Variants in GALNT13 observed in about 807,000 individuals in gnomAD.
GALNT13 encodes polypeptide N-acetylgalactosaminyltransferase 13.
A neutral mutation model predicts 64.2 loss-of-function variants in GALNT13; 28 were observed. That is an observed-to-expected ratio of 0.44 (90% confidence interval 0.32 to 0.60). The LOEUF (loss-of-function observed/expected upper bound fraction) is 0.60, where lower values mean the gene tolerates loss of function less well. Among genes scored for constraint, GALNT13 ranks in the 20% least tolerant of loss-of-function variants. The pLI, the probability that GALNT13 is intolerant of heterozygous loss-of-function variation, is 0.05. For synonymous variants in GALNT13, 214 were observed against 224.6 expected (o/e 0.95, Z 0.42); for missense variants, 577 against 669.8 (o/e 0.86, Z 1.53).
chr2:153,903,040 T>C (rs532285805), intron 2 of GALNT13, among the ~76,000 whole-genome samples: 1 of 152,202 alleles, frequency 6.6e-6, no homozygotes, highest in East Asian at 1.9e-4. Context: ...TTTAGATAGG[T>C]TTTTGGATAG....
intron 4 of GALNT13, among the ~76,000 whole-genome samples, chr2:154,223,426 A>G (rs186415260): frequency 2.2e-5 from 3 of 133,668 alleles, no homozygotes; most frequent in East Asian, 2.2e-4. Flanking sequence ...GAAATTTATT[A>G]TTTATTTTCT....
Position 154,301,594 on chromosome 2 carries a change from A to C in GALNT13, c.1156+5A>C, listed in dbSNP as rs1415078429. On this transcript the variant is annotated splice_donor_5th_base_variant and intron_variant, in intron 9 of 12. Transcript: ENST00000392825. ...TCTTCTACATCATATCCCCAGGTAC[A>C]CAATTCTGACATTTTTCTTTCTCTA... The C allele has an allele frequency of 1.3e-6, 2 of 1,585,660 alleles. No homozygotes were observed. Among genetic ancestry groups the C allele is most frequent in the Non-Finnish European group, 1.7e-6 (2 of 1,157,106 alleles).
At chr2:153,137,770 T>C in the GALNT13 span, among the ~76,000 whole-genome samples, 3 of 152,044 alleles carry the variant, frequency 2.0e-5, no homozygotes, top group African/African-American at 7.2e-5. Context: ...ACTTGTCTTT[T>C]TCTAGGGTAA....
At chr2:154,230,172 A>G (rs1688843316) in intron 4 of GALNT13, among the ~76,000 whole-genome samples, 1 of 152,116 alleles carries the variant, frequency 6.6e-6, no homozygotes, top group African/African-American at 2.4e-5. Flanking sequence ...ATAAGACCAT[A>G]AATGAGAGCA....
chr2:153,739,960 A>C, the GALNT13 span, among the ~76,000 whole-genome samples: 2,295 of 151,876 alleles, frequency 0.015, 68 homozygotes, highest in African/African-American at 0.052. Context: ...TTGTACTTGG[A>C]GTTTTATTTG....
At chr2:153,303,985 G>C in the GALNT13 span, among the ~76,000 whole-genome samples, 1 of 151,822 alleles carries the variant, frequency 6.6e-6, no homozygotes, top group East Asian at 1.9e-4. Flanking sequence ...ATTCTCAGAA[G>C]AACCTGCCAG....
At chr2:153,960,070 C>T (rs1216750505) in intron 3 of GALNT13, among the ~76,000 whole-genome samples, 1 of 152,234 alleles carries the variant, frequency 6.6e-6, no homozygotes, top group Admixed American at 6.5e-5. Context: ...TGATCAGCTC[C>T]ACTGCCTGCC....
chr2:153,534,019 G>A, the GALNT13 span, among the ~76,000 whole-genome samples: 41 of 151,774 alleles, frequency 2.7e-4, no homozygotes, highest in Non-Finnish European at 4.4e-4. Flanking sequence ...GATTACAGGC[G>A]TGAGCCACCG....
the GALNT13 span, among the ~76,000 whole-genome samples, chr2:153,385,919 T>TTG: frequency 6.6e-6 from 1 of 151,958 alleles, no homozygotes; most frequent in Non-Finnish European, 1.5e-5. Flanking sequence ...AGTAGGTAAA[T>TTG]TGTATCCTGT....
At chr2:153,863,811 C>G in the GALNT13 span, among the ~76,000 whole-genome samples, 311 of 152,224 alleles carry the variant, frequency 2.0e-3, 2 homozygotes, top group African/African-American at 6.8e-3. Context: ...ATGATACAGT[C>G]TCTACCTTCC....
the GALNT13 span, among the ~76,000 whole-genome samples, chr2:153,292,543 G>C: frequency 3.9e-5 from 6 of 152,164 alleles, no homozygotes; most frequent in African/African-American, 1.4e-4. Flanking sequence ...GTGAGGCACA[G>C]AGTGTGAGAA....
At chr2:153,377,355 C>T in the GALNT13 span, among the ~76,000 whole-genome samples, 1 of 152,068 alleles carries the variant, frequency 6.6e-6, no homozygotes, top group Non-Finnish European at 1.5e-5. Context: ...CTGTTTGTCC[C>T]CACCAAATCT....
the GALNT13 span, among the ~76,000 whole-genome samples, chr2:153,708,731 A>G: frequency 6.6e-6 from 1 of 152,128 alleles, no homozygotes; most frequent in Non-Finnish European, 1.5e-5. Flanking sequence ...CCTGATTTCA[A>G]TCTACTGTAT....
intron 8 of GALNT13, among the ~76,000 whole-genome samples, chr2:154,293,950 GA>G (rs1692780618): frequency 6.6e-6 from 1 of 152,128 alleles, no homozygotes; most frequent in South Asian, 2.1e-4. Context: ...ACTATGAGTA[GA>G]TATTAACTTA....
intron 2 of GALNT13, among the ~76,000 whole-genome samples, chr2:153,931,066 A>AGTGT (rs59409947): frequency 0.094 from 12,922 of 138,148 alleles, 695 homozygotes; most frequent in South Asian, 0.16. Context: ...TGTATTCCTA[A>AGTGT]GTGTGTGTGT....
the GALNT13 span, among the ~76,000 whole-genome samples, chr2:153,552,269 T>C: frequency 6.6e-6 from 1 of 152,186 alleles, no homozygotes; most frequent in African/African-American, 2.4e-5. Flanking sequence ...TGAGGAGATT[T>C]GCTATAAAGG....
intron 8 of GALNT13, among the ~76,000 whole-genome samples, chr2:154,285,768 TG>T (rs1403988171): frequency 1.3e-5 from 2 of 152,186 alleles, no homozygotes; most frequent in African/African-American, 4.8e-5. Flanking sequence ...ATTGCAATTT[TG>T]ATAGGTTTTG....
chr2:154,291,228 A>G (rs184821424), intron 8 of GALNT13, among the ~76,000 whole-genome samples: 17 of 152,196 alleles, frequency 1.1e-4, no homozygotes, highest in African/African-American at 3.9e-4. Context: ...GGCTGTTTTC[A>G]CAGAGTGCTG....
At chr2:153,346,539 C>T in the GALNT13 span, among the ~76,000 whole-genome samples, 4 of 151,998 alleles carry the variant, frequency 2.6e-5, no homozygotes, top group South Asian at 4.2e-4. Flanking sequence ...ATGAAAGATT[C>T]TCTTGGTTTT....
Sources: allele counts gnomAD v4.1 joint callset (sites outside exome capture counted in the v4.1 genomes callset), GRCh38; gene constraint gnomAD v4.1.1; transcripts MANE v1.5; gene names NCBI Gene and HGNC (gene_info 2026-07-23, HGNC 2026-07-21).